Variants in AIG1 observed in about 807,000 individuals in gnomAD.
AIG1 encodes androgen-induced gene 1 protein.
In AIG1, 23 loss-of-function variants were observed where a neutral mutation model predicts 31.4. The observed-to-expected ratio is 0.73, with a 90% CI of 0.53 to 1.04. The LOEUF is 1.04. AIG1 is among the 50% of genes least tolerant of loss of function. AIG1 has a pLI of 0.00. For synonymous variants in AIG1, 100 were observed against 110.5 expected, an observed-to-expected ratio of 0.90 and a Z score of 0.60; for missense variants, 274 against 295.0, an observed-to-expected ratio of 0.93 and a Z score of 0.52.
chr6:143,067,176 T>TAA (rs796111505), intron 1 of AIG1, among the ~76,000 whole-genome samples: 1 of 148,278 alleles, frequency 6.7e-6, no homozygotes, highest in African/African-American at 2.5e-5. Context: ...TAAATAAAAA[T>TAA]AAAAAAAAAA....
chr6:143,199,238 T>C (rs1429515232), intron 3 of AIG1, among the ~76,000 whole-genome samples: 1 of 152,152 alleles, frequency 6.6e-6, no homozygotes, highest in East Asian at 1.9e-4. Context: ...TTAGAATTAA[T>C]TTTGTTAGGT....
chr6:143,270,468 G>A (rs1796438085), intron 3 of AIG1, among the ~76,000 whole-genome samples: 1 of 152,186 alleles, frequency 6.6e-6, no homozygotes, highest in African/African-American at 2.4e-5. Flanking sequence ...ACAATGCTTT[G>A]TGTTGAAAGT....
At chr6:143,229,277 T>C (rs1211229726) in intron 3 of AIG1, among the ~76,000 whole-genome samples, 1 of 152,280 alleles carries the variant, frequency 6.6e-6, no homozygotes, top group Non-Finnish European at 1.5e-5. Context: ...GCTTTGACAC[T>C]ACCTTAGTGT....
chr6:143,218,175 G>T lies in AIG1; in HGVS notation c.399+52992G>T, dbSNP rs75494357. On this transcript the variant is annotated intron_variant, in intron 3 of 5. Transcript: ENST00000357847. The stretch of plus-strand genomic sequence containing the variant: ...ACTGTTAATATTGTCCTCACTTGGG[G>T]TTTGTTCTTTTATTTAGTTGTGGGA... Among the ~76,000 whole-genome samples, 529 of 152,282 alleles carry T rather than the reference G, an allele frequency of 3.5e-3. 11 individuals carry two copies. In the East Asian group the frequency reaches 0.072, roughly 21 times the overall value.
intron 2 of AIG1, among the ~76,000 whole-genome samples, chr6:143,143,903 C>T (rs759163876): frequency 1.3e-4 from 20 of 152,146 alleles, no homozygotes; most frequent in Admixed American, 2.6e-4. Context: ...ACTCAGAAAA[C>T]TGTAATTACC....
At chr6:143,075,113 CTT>C (rs1184738712) in intron 1 of AIG1, among the ~76,000 whole-genome samples, 1 of 152,082 alleles carries the variant, frequency 6.6e-6, no homozygotes, top group African/African-American at 2.4e-5. Flanking sequence ...TTATCTTTCT[CTT>C]ATTGTCTGTA....
intron 3 of AIG1, among the ~76,000 whole-genome samples, chr6:143,200,682 C>T (rs1332256526): frequency 2.6e-5 from 4 of 152,134 alleles, no homozygotes; most frequent in Non-Finnish European, 4.4e-5. Flanking sequence ...AATGCTTGAC[C>T]TATCAGGCAA....
At chr6:143,267,429 C>T (rs1796232800) in intron 3 of AIG1, among the ~76,000 whole-genome samples, 1 of 152,192 alleles carries the variant, frequency 6.6e-6, no homozygotes, top group Non-Finnish European at 1.5e-5. Flanking sequence ...TATAGCACAG[C>T]ACACAGCTAT....
Position 143,325,595 on chromosome 6 carries a change from T to A in AIG1, c.516-7687T>A, listed in dbSNP as rs907693729. Among the ~76,000 whole-genome samples the A allele has an allele frequency of 5.3e-5, 8 of 152,224 alleles. No individual in the cohort carries two copies. Among genetic ancestry groups the A allele is most frequent in the African/African-American group, 1.7e-4 (7 of 41,456 alleles). On this transcript the variant is annotated intron_variant, in intron 4 of 5. Transcript: ENST00000357847. The surrounding 1 kb of genome is among the most constrained non-coding windows in gnomAD (Gnocchi z 4.3). Reference sequence around the variant, plus strand: ...TCCACCCTGCTAATCAAGCCAGGAATCTGTGATTAATCCTTAACTCATCTC... The same window carrying A: ...TCCACCCTGCTAATCAAGCCAGGAAACTGTGATTAATCCTTAACTCATCTC...
chr6:143,061,706 G>A, intron 1 of AIG1: 1 of 176,710 alleles, frequency 5.7e-6, no homozygotes, highest in East Asian at 1.4e-4. Context: ...ACACTTCTCT[G>A]TCTTCCCATG....
intron 3 of AIG1, among the ~76,000 whole-genome samples, chr6:143,207,332 T>A (rs185651108): frequency 4.1e-4 from 62 of 152,272 alleles, no homozygotes; most frequent in Non-Finnish European, 7.1e-4. Flanking sequence ...TTTTAGAATT[T>A]TCCTTTCCAT....
At chr6:143,211,682 C>T (rs768337220) in intron 3 of AIG1, among the ~76,000 whole-genome samples, 4 of 152,138 alleles carry the variant, frequency 2.6e-5, no homozygotes, top group African/African-American at 4.8e-5. Context: ...CACTCGAGGT[C>T]AGGAGTTCGA....
chr6:143,094,658 AG>A (rs1217194078), intron 1 of AIG1, among the ~76,000 whole-genome samples: 1 of 152,166 alleles, frequency 6.6e-6, no homozygotes, highest in Admixed American at 6.5e-5. Flanking sequence ...CAAGTAAAAA[AG>A]TGACCCCTAG....
chr6:143,060,978 G>T lies in AIG1; in HGVS notation c.53G>T (p.Cys18Phe), dbSNP rs777479525. ...CGGATGGCAATCCTGCTGTCTTACTGCTCTATCCTGTGTAACTACAAGGCC... is the reference window on the plus strand; with the variant it reads ...CGGATGGCAATCCTGCTGTCTTACTTCTCTATCCTGTGTAACTACAAGGCC... ...VLRMAILLSY[C>F]SILCNYKAIE... The change falls in exon 1 of 6, where the codon TGC (cysteine) becomes TTC (phenylalanine). Residue 18 changes from cysteine to phenylalanine, a missense_variant. By Grantham distance (205) the Cys-to-Phe change is radical. This residue lies in a region of AIG1 where 243 missense variants were observed against 238.5 expected (regional missense o/e 1.02). Transcript: ENST00000357847. 3 of 1,613,116 alleles carry T rather than the reference G, an allele frequency of 1.9e-6. No homozygotes were observed. The highest frequency in any genetic ancestry group is 2.5e-6 in the Non-Finnish European group (3 of 1,179,816).
chr6:143,176,693 G>A (rs371975940), intron 3 of AIG1, among the ~76,000 whole-genome samples: 5 of 152,318 alleles, frequency 3.3e-5, no homozygotes, highest in Admixed American at 6.5e-5. Context: ...AGCTGGTCTC[G>A]CTCCCACCTC....
chr6:143,324,484 C>T (rs1322705149), intron 4 of AIG1, among the ~76,000 whole-genome samples: 1 of 152,142 alleles, frequency 6.6e-6, no homozygotes, highest in Non-Finnish European at 1.5e-5. Context: ...AAAAGCTTTC[C>T]AGAGCCCTGT....
chr6:143,143,528 A>AAAAAAAAATATATATAT (rs1554249782), intron 2 of AIG1, among the ~76,000 whole-genome samples: 3 of 27,794 alleles, frequency 1.1e-4, no homozygotes. Flanking sequence ...AAAAAAAAAA[A>AAAAAAAAATATATATAT]ATATATATAT....
chr6:143,188,670 A>C (rs569842589), intron 3 of AIG1: 93 of 984,218 alleles, frequency 9.4e-5, no homozygotes, highest in Non-Finnish European at 1.1e-4. Flanking sequence ...TAAATAAATA[A>C]ATAGGACCAT....
chr6:143,286,085 TC>T (rs1298791316), intron 4 of AIG1, among the ~76,000 whole-genome samples: 4 of 150,842 alleles, frequency 2.7e-5, no homozygotes, highest in Non-Finnish European at 5.9e-5. Flanking sequence ...AAAGGCAAGT[TC>T]TTTACTCTGG....
Sources: gnomAD v4.1 joint callset for allele counts (sites outside exome capture counted in the v4.1 genomes callset) on GRCh38, gnomAD v4.1.1 for gene constraint, gnomAD v4.1.1 regional missense constraint, Gnocchi (gnomAD v3.1) non-coding constraint, MANE v1.5 for transcripts, NCBI Gene and HGNC (gene_info 2026-07-23, HGNC 2026-07-21) for gene names.